Variants in CFAP61 observed in about 807,000 individuals in gnomAD.
The protein encoded by CFAP61 is cilia and flagella associated protein 61, also known as cilia- and flagella-associated protein 61.
Under a neutral mutation model 135.6 loss-of-function variants are expected in CFAP61, and 107 were observed. The ratio of observed to expected loss-of-function variants is 0.79; its 90% confidence interval spans 0.67 to 0.93. CFAP61 has a LOEUF of 0.93. CFAP61 is among the 40% of genes least tolerant of loss of function. The pLI, the probability that CFAP61 is intolerant of heterozygous loss-of-function variation, is 0.00. For missense variants in CFAP61, 1,507 were observed against 1,556.2 expected (o/e 0.97, Z 0.53); for synonymous variants, 575 against 578.5 (o/e 0.99, Z 0.09).
At chr20:20,052,833 T>C (rs1568774648) in intron 1 of CFAP61, 6 of 1,088,262 alleles carry the variant, frequency 5.5e-6, no homozygotes, top group South Asian at 4.7e-5. Context: ...TGCCGCCCTT[T>C]TAGGCTGCAA....
At chr20:20,334,955 C>T (rs946174736) in intron 25 of CFAP61, among the ~76,000 whole-genome samples, 5 of 152,166 alleles carry the variant, frequency 3.3e-5, no homozygotes, top group Non-Finnish European at 7.3e-5. Context: ...GAAATACTTA[C>T]TTGTTCCTAT....
At chr20:20,160,715 TG>T (rs934248669) in intron 10 of CFAP61, among the ~76,000 whole-genome samples, 22 of 152,294 alleles carry the variant, frequency 1.4e-4, no homozygotes, top group African/African-American at 4.8e-4. Flanking sequence ...TAGCATATGC[TG>T]TTGGAGCCCC....
chr20:20,298,611 CCTGG>C (rs978053499), intron 25 of CFAP61, among the ~76,000 whole-genome samples: 6 of 152,166 alleles, frequency 3.9e-5, no homozygotes, highest in African/African-American at 1.4e-4. Context: ...CACACCAGGG[CCTGG>C]ACCCCAGGTG....
intron 8 of CFAP61, among the ~76,000 whole-genome samples, chr20:20,129,259 T>C (rs1786462246): frequency 6.6e-6 from 1 of 152,000 alleles, no homozygotes; most frequent in Middle Eastern, 3.4e-3. Flanking sequence ...GGTCTGTTTG[T>C]CGTGAATTCT....
chr20:20,179,066 T>C (rs2054853096), intron 13 of CFAP61, among the ~76,000 whole-genome samples: 2 of 152,126 alleles, frequency 1.3e-5, no homozygotes, highest in Admixed American at 6.5e-5. Context: ...GGCATCCAGA[T>C]AGGAAGAGAG....
chr20:20,094,286 A>G (rs1318762979), intron 7 of CFAP61: 3 of 152,310 alleles, frequency 2.0e-5, no homozygotes, highest in Non-Finnish European at 2.9e-5. Context: ...CAGGCTAGCC[A>G]TAGAAGGGAG....
intron 18 of CFAP61, among the ~76,000 whole-genome samples, chr20:20,230,931 C>T (rs2049086924): frequency 3.3e-5 from 5 of 152,206 alleles, no homozygotes; most frequent in Admixed American, 3.3e-4. Context: ...ACTCGAGGCT[C>T]AGGACAGTAA....
chr20:20,067,559 T>C (rs2045364676), intron 2 of CFAP61, among the ~76,000 whole-genome samples: 1 of 150,536 alleles, frequency 6.6e-6, no homozygotes, highest in African/African-American at 2.4e-5. Context: ...GGAGAATCAC[T>C]TGAACCCTGG....
chr20:20,104,684 C>G (rs181532779), intron 8 of CFAP61, among the ~76,000 whole-genome samples: 66 of 152,270 alleles, frequency 4.3e-4, no homozygotes, highest in Admixed American at 1.6e-3. Flanking sequence ...CTTAGTCTGC[C>G]AGGGCTGCCA....
intron 3 of CFAP61, chr20:20,073,874 C>G (rs2045884673): frequency 6.3e-6 from 1 of 158,430 alleles, no homozygotes; most frequent in Admixed American, 6.2e-5. Flanking sequence ...ATAAGAGCAT[C>G]TCTCCCTCCT....
Position 20,360,271 on chromosome 20 carries a change from C to T in CFAP61, c.3575C>T (p.Pro1192Leu), listed in dbSNP as rs776767749. ...CAAATAGAAGATGAGGAAATCAACC[C>T]GACTGAGAAGCCCAGGCAATACCTC... ...AHQIEDEEIN[P>L]TEKPRQYLKR... Residue 1192 changes from proline (P) to leucine (L), a missense_variant, in exon 27 of 27, where the codon CCG (proline) becomes CTG (leucine). Transcript: ENST00000245957. 2.5e-6 allele frequency: 4 copies of T among 1,613,844 alleles called. No individual in the cohort carries two copies. In the South Asian group the frequency reaches 3.3e-5, roughly 13 times the overall value.
chr20:20,200,417 G>A (rs755657083), intron 17 of CFAP61, among the ~76,000 whole-genome samples: 1 of 152,158 alleles, frequency 6.6e-6, no homozygotes, highest in African/African-American at 2.4e-5. Context: ...CTGCCCTGGG[G>A]CAGCAGGAGT....
intron 24 of CFAP61, among the ~76,000 whole-genome samples, chr20:20,296,752 A>G (rs1334607218): frequency 6.6e-6 from 1 of 152,204 alleles, no homozygotes; most frequent in Non-Finnish European, 1.5e-5. Flanking sequence ...AACAAATGAA[A>G]TGATACTGTG....
intron 9 of CFAP61, among the ~76,000 whole-genome samples, chr20:20,144,707 T>C (rs2051721181): frequency 6.6e-6 from 1 of 151,134 alleles, no homozygotes; most frequent in African/African-American, 2.4e-5. Flanking sequence ...CACAAGAACA[T>C]AAAGAAAACT....
intron 1 of CFAP61, 136 bp downstream of exon 1, chr20:20,052,727 A>G: frequency 8.1e-6 from 13 of 1,600,536 alleles, no homozygotes; most frequent in South Asian, 7.8e-5. Context: ...GGCGCCCTGC[A>G]AGGGAGTAAG....
chr20:20,106,308 C>G (rs2048403725), intron 8 of CFAP61, among the ~76,000 whole-genome samples: 1 of 152,060 alleles, frequency 6.6e-6, no homozygotes, highest in South Asian at 2.1e-4. Flanking sequence ...TTCATAAAAC[C>G]TGTTGTCAAT....
intron 21 of CFAP61, among the ~76,000 whole-genome samples, chr20:20,275,965 G>A (rs1024418467): frequency 7.9e-5 from 12 of 152,292 alleles, no homozygotes; most frequent in South Asian, 2.1e-4. Context: ...CTCTCCTAGC[G>A]TCCTAGCGAG....
chr20:20,315,504 G>A (rs1368988034), intron 25 of CFAP61, among the ~76,000 whole-genome samples: 1 of 152,056 alleles, frequency 6.6e-6, no homozygotes, highest in Non-Finnish European at 1.5e-5. Flanking sequence ...TCACTCTGAT[G>A]GTAGTTTCTT....
intron 6 of CFAP61, among the ~76,000 whole-genome samples, chr20:20,087,001 G>C (rs2046857675): frequency 2.0e-5 from 3 of 152,130 alleles, no homozygotes; most frequent in South Asian, 4.1e-4. Context: ...GGAAGATGGT[G>C]AAGTCTCCTT....
Sources: allele counts gnomAD v4.1 joint callset (sites outside exome capture counted in the v4.1 genomes callset), GRCh38; gene constraint gnomAD v4.1.1; transcripts MANE v1.5; gene names NCBI Gene and HGNC (gene_info 2026-07-23, HGNC 2026-07-21).